The following RBMS3 variants were observed in gnomAD, a reference collection of about 807,000 sequenced individuals.
The protein encoded by RBMS3 is RNA-binding motif, single-stranded-interacting protein 3.
In RBMS3, 27 loss-of-function variants were observed where a neutral mutation model predicts 66.8. The observed-to-expected ratio is 0.40, with a 90% CI of 0.30 to 0.56. RBMS3 has a LOEUF of 0.56. Ranked by LOEUF, RBMS3 falls within the 20% of genes least tolerant of loss-of-function variation. RBMS3 has a pLI of 0.40. For synonymous variants in RBMS3, 188 were observed against 183.0 expected (o/e 1.03, Z -0.22); for missense variants, 513 against 549.5 (o/e 0.93, Z 0.66).
chr3:29,589,103 T>G (rs553786454), intron 4 of RBMS3, among the ~76,000 whole-genome samples: 4 of 152,146 alleles, frequency 2.6e-5, no homozygotes, highest in Non-Finnish European at 5.9e-5. Context: ...CACTGCCATC[T>G]TGTGTAACAG....
At chr3:29,590,072 C>T (rs1195264472) in intron 4 of RBMS3, among the ~76,000 whole-genome samples, 1 of 141,236 alleles carries the variant, frequency 7.1e-6, no homozygotes, top group African/African-American at 2.6e-5. Flanking sequence ...TACTGTTCTG[C>T]CACAAAGGAG....
At chr3:29,587,523 G>A (rs773148175) in intron 4 of RBMS3, among the ~76,000 whole-genome samples, 7 of 151,504 alleles carry the variant, frequency 4.6e-5, no homozygotes, top group African/African-American at 7.3e-5. Context: ...AAGGACACTC[G>A]TGAAGTGCTC....
intron 6 of RBMS3, among the ~76,000 whole-genome samples, chr3:29,795,286 C>A (rs1190295706): frequency 6.6e-6 from 1 of 152,096 alleles, no homozygotes. Flanking sequence ...AGCCAGTAAC[C>A]CTGGGAAATT....
intron 1 of RBMS3, among the ~76,000 whole-genome samples, chr3:29,327,174 T>C (rs1043570496): frequency 1.3e-5 from 2 of 152,220 alleles, no homozygotes; most frequent in Non-Finnish European, 2.9e-5. Context: ...AAGCAGTCTC[T>C]AATTTGTTCA....
At chr3:29,433,871 C>T (rs540578411) in intron 1 of RBMS3, among the ~76,000 whole-genome samples, 60 of 152,284 alleles carry the variant, frequency 3.9e-4, no homozygotes, top group African/African-American at 1.4e-3. Flanking sequence ...ATTAAAACAG[C>T]GGTTCTCCCA....
chr3:29,554,868 C>T (rs2046293247), intron 3 of RBMS3, among the ~76,000 whole-genome samples: 1 of 152,032 alleles, frequency 6.6e-6, no homozygotes, highest in Admixed American at 6.5e-5. Flanking sequence ...GTTTCAATTC[C>T]TCTGTAAGCA....
At chr3:29,541,327 C>T (rs2045747656) in intron 3 of RBMS3, among the ~76,000 whole-genome samples, 2 of 152,048 alleles carry the variant, frequency 1.3e-5, no homozygotes, top group Non-Finnish European at 1.5e-5. Flanking sequence ...AGTTTTTCTT[C>T]CCAAACCGGC....
At chr3:29,412,270 C>G (rs190079693) in intron 1 of RBMS3, among the ~76,000 whole-genome samples, 20 of 152,238 alleles carry the variant, frequency 1.3e-4, no homozygotes, top group African/African-American at 4.6e-4. Flanking sequence ...GAATACATTT[C>G]CATAAGCCAC....
chr3:29,839,700 A>T (rs1229916160), intron 6 of RBMS3, among the ~76,000 whole-genome samples: 1 of 151,852 alleles, frequency 6.6e-6, no homozygotes, highest in Non-Finnish European at 1.5e-5. Context: ...TATAATAAAA[A>T]CTACTCAGAA....
chr3:29,755,400 G>C (rs1426898861), intron 5 of RBMS3, among the ~76,000 whole-genome samples: 1 of 152,172 alleles, frequency 6.6e-6, no homozygotes, highest in African/African-American at 2.4e-5. Context: ...CTCCTCTGCT[G>C]TTGATAGCTT....
chr3:29,682,695 C>T (rs1162649906), intron 4 of RBMS3, among the ~76,000 whole-genome samples: 1 of 152,180 alleles, frequency 6.6e-6, no homozygotes, highest in African/African-American at 2.4e-5. Context: ...CACAGAGTAC[C>T]ACTCTATAAC....
intron 6 of RBMS3, among the ~76,000 whole-genome samples, chr3:29,858,750 T>C (rs531015782): frequency 1.2e-3 from 186 of 152,390 alleles, no homozygotes; most frequent in African/African-American, 4.1e-3. Flanking sequence ...GGCATGGTTG[T>C]TCCTTTTAGA....
intron 4 of RBMS3, among the ~76,000 whole-genome samples, chr3:29,687,503 G>C (rs1261585032): frequency 1.3e-5 from 2 of 152,198 alleles, no homozygotes; most frequent in African/African-American, 2.4e-5. Flanking sequence ...TTGTAGAGCA[G>C]AGAATATCTG....
intron 6 of RBMS3, among the ~76,000 whole-genome samples, chr3:29,863,513 T>C (rs1206740819): frequency 6.6e-6 from 1 of 152,162 alleles, no homozygotes; most frequent in African/African-American, 2.4e-5. Context: ...TCAGATGTTT[T>C]AACTTAGCAA....
At chr3:29,590,805 A>G (rs2047707573) in intron 4 of RBMS3, among the ~76,000 whole-genome samples, 1 of 152,104 alleles carries the variant, frequency 6.6e-6, no homozygotes, top group Admixed American at 6.6e-5. Flanking sequence ...CCATAGATAG[A>G]CAGCAGAGGC....
At chr3:29,505,912 G>T (rs79442580) in intron 3 of RBMS3, among the ~76,000 whole-genome samples, 3,425 of 150,402 alleles carry the variant, frequency 0.023, 101 homozygotes, top group Admixed American at 0.092. Flanking sequence ...TTACTATATT[G>T]TATGTTGATT....
In RBMS3 at chr3:29,956,904, T is replaced by C. The variant is rs554598494; in HGVS notation, c.1098+12650T>C. ...GATCCTGATGCCTCCTTTTTCACAT[T>C]CATCTGTTACTACTTCTGTTCTCCC... On this transcript the variant is annotated intron_variant, in intron 12 of 14. Coordinates refer to ENST00000383767, the MANE Select transcript of RBMS3 (RefSeq NM_001003793.3). Among the ~76,000 whole-genome samples the C allele has an allele frequency of 7.2e-5, 11 of 152,174 alleles. No homozygotes were observed. The South Asian group carries it at 1.7e-3, about 23-fold the overall frequency.
chr3:29,485,437 T>A (rs1283806957), intron 2 of RBMS3, among the ~76,000 whole-genome samples: 1 of 152,100 alleles, frequency 6.6e-6, no homozygotes, highest in African/African-American at 2.4e-5. Context: ...CTGGCTGTAT[T>A]TGAATATAAA....
chr3:29,945,266 A>G (rs559824420), intron 12 of RBMS3, among the ~76,000 whole-genome samples: 2 of 151,788 alleles, frequency 1.3e-5, no homozygotes, highest in African/African-American at 2.4e-5. Flanking sequence ...AAGCAGGGGA[A>G]ATCTTGCTTT....
Sources: allele counts gnomAD v4.1 joint callset (sites outside exome capture counted in the v4.1 genomes callset), GRCh38; gene constraint gnomAD v4.1.1; transcripts MANE v1.5; gene names NCBI Gene and HGNC (gene_info 2026-07-23, HGNC 2026-07-21).